The following RTF2 variants were observed in gnomAD, a reference collection of about 807,000 sequenced individuals.
RTF2 encodes UPF0549 protein C20orf43.
Under a neutral mutation model 38.0 loss-of-function variants are expected in RTF2, and 18 were observed. The observed-to-expected ratio is 0.47, with a 90% confidence interval of 0.33 to 0.70. The LOEUF (loss-of-function observed/expected upper bound fraction) is 0.70, where lower values mean the gene tolerates loss of function less well. Among genes scored for constraint, RTF2 ranks in the 30% least tolerant of loss-of-function variants. The pLI is 0.02. For missense variants in RTF2, 311 were observed against 379.6 expected, an observed-to-expected ratio of 0.82 and a Z score of 1.50; for synonymous variants, 126 against 137.1, an observed-to-expected ratio of 0.92 and a Z score of 0.57.
At chr20:56,509,054 G>A (rs1984464917) in intron 5 of RTF2, among the ~76,000 whole-genome samples, 1 of 152,228 alleles carries the variant, frequency 6.6e-6, no homozygotes, top group African/African-American at 2.4e-5. Context: ...TAATTATCCA[G>A]TGTAAGATAT....
intron 5 of RTF2, among the ~76,000 whole-genome samples, chr20:56,484,749 G>C (rs527274498): frequency 6.6e-6 from 1 of 152,208 alleles, no homozygotes; most frequent in Non-Finnish European, 1.5e-5. Flanking sequence ...CTCAGCTCAC[G>C]TGGAGGAAAT....
chr20:56,511,058 T>A (rs1432393194), intron 5 of RTF2, among the ~76,000 whole-genome samples: 1 of 152,248 alleles, frequency 6.6e-6, no homozygotes, highest in East Asian at 1.9e-4. Flanking sequence ...TTGTTTTTTG[T>A]TGTTGTTGTG....
At chr20:56,497,093 C>T (rs993433647) in intron 5 of RTF2, 3 of 1,551,688 alleles carry the variant, frequency 1.9e-6, no homozygotes, top group Non-Finnish European at 2.6e-6. Flanking sequence ...CATAAGCCAC[C>T]TTCTCTGTCT....
chr20:56,474,799 G>A (rs1982155198), intron 3 of RTF2, 28 bp downstream of exon 3: 1 of 1,430,684 alleles, frequency 7.0e-7, no homozygotes, highest in Non-Finnish European at 9.8e-7. Context: ...GAAGTGCTGT[G>A]AGGGTCTGAA....
At chr20:56,515,173 A>C (rs531449110) in intron 6 of RTF2, among the ~76,000 whole-genome samples, 43 of 152,334 alleles carry the variant, frequency 2.8e-4, no homozygotes, top group African/African-American at 1.0e-3. Flanking sequence ...GTAAGAGAGA[A>C]AAAAAGAGGG....
In RTF2 at chr20:56,518,179, A is replaced by G; in HGVS notation, c.835A>G (p.Lys279Glu). 2 of 1,614,158 alleles carry G rather than the reference A, an allele frequency of 1.2e-6. No individual in the cohort carries two copies. The highest frequency in any genetic ancestry group is 1.7e-6 in the Non-Finnish European group (2 of 1,180,002). ...TGACAGTGAAGAATCGGAGGCCTAC[A>G]AGTCCCTCTTTACCACTCACAGCTC... ...IADSEESEAYKSLFTTHSSAK... is the reference protein window; with the variant it reads ...IADSEESEAYESLFTTHSSAK... The change falls in exon 9 of 9, where the codon AAG becomes GAG. Residue 279 changes from lysine (K) to glutamate (E), a missense_variant. By Grantham distance (56) the Lys-to-Glu change is moderately conservative (BLOSUM62 1). Coordinates refer to ENST00000357348, the MANE Select transcript of RTF2 (RefSeq NM_016407.5).
intron 4 of RTF2, among the ~76,000 whole-genome samples, chr20:56,481,269 T>C (rs1433311574): frequency 6.6e-6 from 1 of 152,214 alleles, no homozygotes; most frequent in African/African-American, 2.4e-5. Context: ...ATCCTGAGCA[T>C]TCTGGCACAT....
rs1303728955 is a variant in RTF2, at chr20:56,497,140, A to G, written c.477+12951A>G. On this transcript the variant is annotated intron_variant, in intron 5 of 8. Transcript: ENST00000357348. ...AAAACGTTTTCAAAACAGTTAACCA[A>G]GGTTTGCACAGCAGTCTTATACTTC... is the stretch of plus-strand genomic sequence containing the variant. The G allele has an allele frequency of 3.9e-6, 6 of 1,551,422 alleles. No individual in the cohort carries two copies. The African/African-American group carries it at 6.8e-5, about 18-fold the overall frequency.
chr20:56,509,591 G>A (rs371979953), intron 5 of RTF2, among the ~76,000 whole-genome samples: 3 of 139,540 alleles, frequency 2.1e-5, no homozygotes, highest in Non-Finnish European at 3.0e-5. Flanking sequence ...GCAGCCTGGC[G>A]ACAAAGCGAG....
chr20:56,512,075 C>T (rs1219288920), intron 5 of RTF2, among the ~76,000 whole-genome samples: 1 of 152,108 alleles, frequency 6.6e-6, no homozygotes, highest in East Asian at 1.9e-4. Flanking sequence ...AACTCCTGAC[C>T]TCAAATGGTG....
chr20:56,515,792 T>G (rs1406149206), intron 6 of RTF2: 1 of 152,240 alleles, frequency 6.6e-6, no homozygotes, highest in Non-Finnish European at 1.5e-5. Flanking sequence ...TCCTGCCAAG[T>G]TAATTCAAAG....
At chr20:56,486,056 G>A (rs900057285) in intron 5 of RTF2, among the ~76,000 whole-genome samples, 2 of 152,140 alleles carry the variant, frequency 1.3e-5, no homozygotes, top group Non-Finnish European at 2.9e-5. Context: ...TGGTGGTAGC[G>A]GTGCTGCTCT....
rs1028231972 is a variant in RTF2 at position 56,517,297 on chromosome 20, C to G, written c.742+96C>G. ...CACTGGAGTGGGTGGATGGGAAGCC[C>G]AAGCCTGTCCTATGTCATGTCTCTA... On this transcript the variant is annotated intron_variant, in intron 8 of 8. Transcript: ENST00000357348. 28 of 899,230 alleles carry G rather than the reference C, an allele frequency of 3.1e-5. No individual in the cohort carries two copies. In the African/African-American group the frequency reaches 4.4e-4, roughly 14 times the overall value. The allele number at this position is 899,230 out of a possible 1,614,324, so 55.7% of individuals were successfully genotyped here. A position where few individuals can be genotyped will look rare whatever the true frequency, so the allele number is the denominator to read the frequency against.
intron 5 of RTF2, among the ~76,000 whole-genome samples, chr20:56,486,421 G>T (rs1475481637): frequency 6.6e-6 from 1 of 152,172 alleles, no homozygotes; most frequent in East Asian, 1.9e-4. Context: ...GGCCAAGGCG[G>T]GTGGATCACC....
At chr20:56,503,271 C>T (rs1984041689) in intron 5 of RTF2, among the ~76,000 whole-genome samples, 1 of 152,202 alleles carries the variant, frequency 6.6e-6, no homozygotes, top group Non-Finnish European at 1.5e-5. Flanking sequence ...TCTAACTGTC[C>T]AGTGAAATGG....
intron 5 of RTF2, among the ~76,000 whole-genome samples, chr20:56,485,388 G>A (rs1234317994): frequency 1.3e-5 from 2 of 152,206 alleles, no homozygotes; most frequent in East Asian, 3.9e-4. Flanking sequence ...TGAGATTAAA[G>A]AGTTAGGCAG....
intron 5 of RTF2, among the ~76,000 whole-genome samples, chr20:56,505,836 T>C (rs1025875902): frequency 1.3e-5 from 2 of 152,150 alleles, no homozygotes; most frequent in African/African-American, 4.8e-5. Context: ...AAACCTCTTA[T>C]ACAGATTGAC....
intron 6 of RTF2, 51 bp downstream of exon 6, chr20:56,513,479 G>A (rs781344684): frequency 2.3e-5 from 36 of 1,549,596 alleles, no homozygotes; most frequent in South Asian, 3.6e-5. Context: ...CTCCAGAGCC[G>A]ACTGCAAATC....
At chr20:56,517,585 G>A (rs77289048) in intron 8 of RTF2, among the ~76,000 whole-genome samples, 5,486 of 152,216 alleles carry the variant, frequency 0.036, 314 homozygotes, top group African/African-American at 0.13. Context: ...TGGGCTCCAC[G>A]TGTGGCTCTC....
Sources: allele counts gnomAD v4.1 joint callset (sites outside exome capture counted in the v4.1 genomes callset), GRCh38; gene constraint gnomAD v4.1.1; transcripts MANE v1.5; gene names NCBI Gene and HGNC (gene_info 2026-07-23, HGNC 2026-07-21).